SUSD6: variants seen among roughly 807,000 people sequenced by gnomAD.
SUSD6 encodes the protein sushi domain-containing protein 6.
A neutral mutation model predicts 28.4 loss-of-function variants in SUSD6; 16 were observed. The observed-to-expected ratio is 0.56, with a 90% CI of 0.38 to 0.86. SUSD6 has a LOEUF of 0.86. SUSD6 is among the 40% of genes least tolerant of loss of function. The pLI, the probability that SUSD6 is intolerant of heterozygous loss-of-function variation, is 0.00. For synonymous variants in SUSD6, 147 were observed against 159.6 expected (o/e 0.92, Z 0.59); for missense variants, 341 against 384.2 (o/e 0.89, Z 0.94).
At chr14:69,699,711 G>T (rs1886286533) in intron 2 of SUSD6, among the ~76,000 whole-genome samples, 1 of 152,010 alleles carries the variant, frequency 6.6e-6, no homozygotes, top group Admixed American at 6.5e-5. Flanking sequence ...TGTTGTCTGG[G>T]GTAATATCTG....
At chr14:69,673,692 A>G (rs956812083) in intron 2 of SUSD6, among the ~76,000 whole-genome samples, 1 of 152,044 alleles carries the variant, frequency 6.6e-6, no homozygotes, top group Non-Finnish European at 1.5e-5. Flanking sequence ...TTCATTTCCT[A>G]TTCTGCCCCC....
intron 2 of SUSD6, among the ~76,000 whole-genome samples, chr14:69,685,003 G>A (rs150126762): frequency 8.1e-4 from 123 of 152,324 alleles, no homozygotes; most frequent in African/African-American, 2.7e-3. Context: ...TAGCAGGGTG[G>A]CCCTTAAACA....
At chr14:69,691,070 G>T (rs1490162253) in intron 2 of SUSD6, among the ~76,000 whole-genome samples, 1 of 152,150 alleles carries the variant, frequency 6.6e-6, no homozygotes. Flanking sequence ...GGGTGCAGTG[G>T]CTCACATCTG....
chr14:69,627,056 A>G (rs750623095), intron 1 of SUSD6, among the ~76,000 whole-genome samples: 34 of 152,150 alleles, frequency 2.2e-4, no homozygotes, highest in Non-Finnish European at 4.6e-4. Context: ...AGAGGATGTT[A>G]AAGACCTCAT....
At chr14:69,639,676 G>T (rs147618799) in intron 1 of SUSD6, among the ~76,000 whole-genome samples, 146 of 152,300 alleles carry the variant, frequency 9.6e-4, no homozygotes, top group African/African-American at 3.4e-3. Flanking sequence ...CCCATCCTTT[G>T]TTCACTTAGG....
In SUSD6 at chr14:69,711,088, C is replaced by A. The variant is rs1301045979; in HGVS notation, c.*109C>A. 4.6e-6 allele frequency: 5 copies of A among 1,098,696 alleles called. No homozygotes were observed. Among genetic ancestry groups the A allele is most frequent in the African/African-American group, 1.5e-5 (1 of 64,848 alleles). The allele number at this position is 1,098,696 out of a possible 1,614,324, so 68.1% of individuals were successfully genotyped here. On this transcript the variant is annotated 3_prime_UTR_variant, in exon 6 of 6. Transcript: ENST00000342745. Reference sequence around the variant, plus strand: ...CAGCCACCTTACCTGGATACCTGAGCTGCCACCTGTGTATCTGTGTATCTC... The same window carrying A: ...CAGCCACCTTACCTGGATACCTGAGATGCCACCTGTGTATCTGTGTATCTC...
chr14:69,657,900 C>G (rs1388522532), intron 1 of SUSD6, among the ~76,000 whole-genome samples: 9 of 152,136 alleles, frequency 5.9e-5, no homozygotes, highest in African/African-American at 2.2e-4. Context: ...TTCTCCATGC[C>G]TCCCCCCGTC....
intron 1 of SUSD6, chr14:69,617,791 C>G (rs1398959183): frequency 6.6e-6 from 1 of 152,170 alleles, no homozygotes; most frequent in Non-Finnish European, 1.5e-5. Flanking sequence ...TGCACCTGCT[C>G]AAAGGCTTCT....
Position 69,685,266 on chromosome 14 carries a change from A to G in SUSD6, c.122-18129A>G, listed in dbSNP as rs190460785. Among the ~76,000 whole-genome samples, 143 of 152,342 alleles carry G rather than the reference A, an allele frequency of 9.4e-4. 1 individual carries two copies. The highest frequency in any genetic ancestry group is 2.2e-4 in the Non-Finnish European group (15 of 68,026). ...CCTAAAGGACATTACCCACATGCATAGAGCCATGAGGCACATTGATTGTTT... is the reference window on the plus strand; with the variant it reads ...CCTAAAGGACATTACCCACATGCATGGAGCCATGAGGCACATTGATTGTTT... On this transcript the variant is annotated intron_variant, in intron 2 of 5. Transcript: ENST00000342745.
chr14:69,681,041 A>C (rs1436405454), intron 2 of SUSD6, among the ~76,000 whole-genome samples: 1 of 152,190 alleles, frequency 6.6e-6, no homozygotes, highest in Non-Finnish European at 1.5e-5. Flanking sequence ...CAGTAGTTGC[A>C]CAAAAGGAAG....
intron 1 of SUSD6, among the ~76,000 whole-genome samples, chr14:69,655,153 G>T (rs1885563555): frequency 6.6e-6 from 1 of 152,094 alleles, no homozygotes; most frequent in African/African-American, 2.4e-5. Flanking sequence ...GGGTGTGTGT[G>T]TGTGTCTGTC....
chr14:69,612,435 A>G (rs1465195461), intron 1 of SUSD6, among the ~76,000 whole-genome samples: 1 of 152,210 alleles, frequency 6.6e-6, no homozygotes, highest in South Asian at 2.1e-4. Context: ...TCTTTCAAAA[A>G]GTAGGCACGT....
intron 1 of SUSD6, among the ~76,000 whole-genome samples, chr14:69,639,051 T>C (rs1566592341): frequency 6.6e-6 from 1 of 151,886 alleles, no homozygotes; most frequent in Non-Finnish European, 1.5e-5. Flanking sequence ...CCAGGCCGGG[T>C]GCAGTGGCTC....
chr14:69,680,679 C>T (rs12436240), intron 2 of SUSD6, among the ~76,000 whole-genome samples: 1,532 of 152,292 alleles, frequency 0.01, 85 homozygotes, highest in Admixed American at 0.089. Context: ...CACCAGGCAT[C>T]TCATTTTTAT....
intron 2 of SUSD6, among the ~76,000 whole-genome samples, chr14:69,689,950 G>C (rs1436441448): frequency 1.3e-5 from 2 of 152,204 alleles, no homozygotes; most frequent in African/African-American, 4.8e-5. Context: ...ACAGGCCTAA[G>C]ACACCATGCC....
chr14:69,652,521 C>T lies in SUSD6; in HGVS notation c.-80-5992C>T, dbSNP rs555007456. Among the ~76,000 whole-genome samples the T allele has an allele frequency of 4.6e-5, 7 of 152,248 alleles. No individual in the cohort carries two copies. The South Asian group carries it at 1.5e-3, about 32-fold the overall frequency. On this transcript the variant is annotated intron_variant, in intron 1 of 5. Transcript: ENST00000342745. ...TAAACGGAGTCTGACTTTACCCACGCAGCACCTGGGAGCCACGCTTGACTG... is the reference window on the plus strand; with the variant it reads ...TAAACGGAGTCTGACTTTACCCACGTAGCACCTGGGAGCCACGCTTGACTG...
chr14:69,660,789 A>G (rs749325900), intron 2 of SUSD6, among the ~76,000 whole-genome samples: 8 of 152,234 alleles, frequency 5.3e-5, no homozygotes, highest in South Asian at 2.1e-4. Flanking sequence ...TTCAATGTCT[A>G]TAAAGTTTTA....
intron 1 of SUSD6, among the ~76,000 whole-genome samples, chr14:69,632,748 G>GT (rs1885214115): frequency 6.6e-6 from 1 of 151,962 alleles, no homozygotes. Flanking sequence ...ACTGACCCTA[G>GT]CATTTGGTGT....
intron 1 of SUSD6, chr14:69,615,697 A>G (rs2139587683): frequency 6.6e-6 from 1 of 152,368 alleles, no homozygotes; most frequent in African/African-American, 2.4e-5. Context: ...GCGTCCGTGA[A>G]GGTACTGGAT....
Sources: allele counts gnomAD v4.1 joint callset (sites outside exome capture counted in the v4.1 genomes callset), GRCh38; gene constraint gnomAD v4.1.1; transcripts MANE v1.5; gene names NCBI Gene and HGNC (gene_info 2026-07-23, HGNC 2026-07-21).